HBP1: variants seen among roughly 807,000 people sequenced by gnomAD.
The protein encoded by HBP1 is HMG box-containing protein 1.
HBP1 carries 20 observed loss-of-function variants against 62.6 expected under a neutral mutation model. The observed-to-expected ratio is 0.32, with a 90% confidence interval of 0.22 to 0.46. HBP1 has a LOEUF of 0.46. Among genes scored for constraint, HBP1 ranks in the 20% least tolerant of loss-of-function variants. HBP1 has a pLI of 1.00. For synonymous variants in HBP1, 232 were observed against 206.2 expected, an observed-to-expected ratio of 1.12 and a Z score of -1.07; for missense variants, 480 against 611.8, an observed-to-expected ratio of 0.78 and a Z score of 2.27.
rs1411591672 is a variant in HBP1 at position 107,196,062 on chromosome 7, T to C, written c.1296T>C (p.Asn432=). 1 of 1,613,390 alleles carries C rather than the reference T, an allele frequency of 6.2e-7. No homozygotes were observed. The highest frequency in any genetic ancestry group is 8.5e-7 in the Non-Finnish European group (1 of 1,179,332). ...GGACTGTGAGTGCCACTTCTCCTAA[T>C]AAGTGCAAAAGACCAATGAATGCCT... The part of the protein sequence containing the change: ...SSGTVSATSP[N]KCKRPMNAFM... Residue 432 remains asparagine, a synonymous_variant, in exon 9 of 11, where the codon AAT becomes AAC. Coordinates refer to ENST00000222574, the MANE Select transcript of HBP1 (RefSeq NM_012257.4).
chr7:107,184,967 C>T (rs1326392574), intron 3 of HBP1, among the ~76,000 whole-genome samples: 1 of 152,202 alleles, frequency 6.6e-6, no homozygotes, highest in African/African-American at 2.4e-5. Context: ...TTCCTCTCTG[C>T]TTCCTTTCCA....
intron 9 of HBP1, among the ~76,000 whole-genome samples, chr7:107,197,938 T>C (rs917076470): frequency 6.6e-6 from 1 of 152,218 alleles, no homozygotes; most frequent in African/African-American, 2.4e-5. Context: ...TAGTGACAGG[T>C]ACATGCTGCA....
Position 107,200,141 on chromosome 7 carries a change from G to T in HBP1, c.1386-19G>T. On this transcript the variant is annotated intron_variant, in intron 9 of 10. Transcript: ENST00000222574. ...GAAAAATGTGTGCTTTCAGCATTGT[G>T]TAAATATTTATTTTACAGAGCCATA... 2 of 1,552,742 alleles carry T rather than the reference G, an allele frequency of 1.3e-6. No homozygotes were observed. The highest frequency in any genetic ancestry group is 1.7e-6 in the Non-Finnish European group (2 of 1,149,918).
chr7:107,189,552 A>G, intron 7 of HBP1, 104 bp downstream of exon 7: 1 of 801,516 alleles, frequency 1.2e-6, no homozygotes, highest in Non-Finnish European at 2.0e-6. Context: ...TGAGGGGAAA[A>G]CGTCTTTCAA....
chr7:107,186,287 C>A, intron 4 of HBP1, 74 bp from the exon 5 acceptor site: 1 of 877,492 alleles, frequency 1.1e-6, no homozygotes, highest in South Asian at 1.6e-5. Flanking sequence ...GGCCTAAAGA[C>A]GTGGGATGAA....
chr7:107,195,771 CT>C, intron 8 of HBP1, 62 bp from the exon 9 acceptor site: 1 of 736,200 alleles, frequency 1.4e-6, no homozygotes, highest in Non-Finnish European at 1.9e-6. Flanking sequence ...TTTTAACCTG[CT>C]TTTTAGAAAT....
chr7:107,186,315 A>T, intron 4 of HBP1, 46 bp from the exon 5 acceptor site: 2 of 1,125,664 alleles, frequency 1.8e-6, no homozygotes, highest in Non-Finnish European at 2.7e-6. Context: ...ATTAAAAGGT[A>T]TATTTTAAAA....
intron 8 of HBP1, among the ~76,000 whole-genome samples, chr7:107,194,737 G>C (rs1797809395): frequency 2.0e-5 from 3 of 152,146 alleles, no homozygotes; most frequent in Non-Finnish European, 4.4e-5. Context: ...AAGGAAGTAG[G>C]AGCTAGGTTC....
chr7:107,198,024 T>TGTAA (rs755579908), intron 9 of HBP1, among the ~76,000 whole-genome samples: 127 of 152,296 alleles, frequency 8.3e-4, no homozygotes, highest in South Asian at 1.7e-3. Context: ...TTCACGTCCC[T>TGTAA]GTAAGTCTCT....
chr7:107,195,977 G>A lies in HBP1; in HGVS notation c.1211G>A (p.Gly404Glu). ...TTCAGTAAAAACTGTGGCTCACCTG[G>A]ATCATCACAGCTCTCTTCCAATTCT... ...SGFSKNCGSP[G>E]SSQLSSNSLY... Residue 404 changes from glycine (G) to glutamate (E), a missense_variant, in exon 9 of 11, where the codon GGA becomes GAA. Coordinates refer to ENST00000222574, the MANE Select transcript of HBP1 (RefSeq NM_012257.4). 6.2e-7 allele frequency: 1 copy of A among 1,614,072 alleles called. No individual in the cohort carries two copies. The highest frequency in any genetic ancestry group is 8.5e-7 in the Non-Finnish European group (1 of 1,180,006).
Position 107,189,452 on chromosome 7 carries a change from G to T in HBP1, c.922+4G>T. 6.3e-7 allele frequency: 1 copy of T among 1,594,092 alleles called. No homozygotes were observed. Among genetic ancestry groups the T allele is most frequent in the Non-Finnish European group, 8.6e-7 (1 of 1,169,524 alleles). On this transcript the variant is annotated splice_donor_region_variant and intron_variant, in intron 7 of 10. Transcript: ENST00000222574. ...CCTTTCTATGTTAAAAATAAAGGTA[G>T]GGCTTGAATTGCATTTGTAGTAACT...
intron 6 of HBP1, among the ~76,000 whole-genome samples, chr7:107,189,048 T>C (rs1378742785): frequency 6.6e-6 from 1 of 152,192 alleles, no homozygotes; most frequent in Non-Finnish European, 1.5e-5. Context: ...TAATCTCTCT[T>C]TTGGTATTAA....
At position 107,178,014 on chromosome 7, in the gene HBP1, A is replaced by G. The variant is rs75266047; in HGVS notation, c.-15-1865A>G. ...ACATCATGACTTAGAAAGCTTATAA[A>G]TATTAAGTGATTAACATTTTTTCAG... On this transcript the variant is annotated intron_variant, in intron 1 of 10. Coordinates refer to ENST00000222574, the MANE Select transcript of HBP1 (RefSeq NM_012257.4). Among the ~76,000 whole-genome samples, 421 of 152,354 alleles carry G rather than the reference A, an allele frequency of 2.8e-3. 16 individuals are homozygous for G. In the East Asian group the frequency reaches 0.073, roughly 26 times the overall value.
chr7:107,190,430 TATAAA>T (rs1214987934), intron 8 of HBP1, 113 bp downstream of exon 8: 5 of 660,634 alleles, frequency 7.6e-6, no homozygotes, highest in Non-Finnish European at 1.3e-5. Flanking sequence ...ATTTGAGAAT[TATAAA>T]AGAATTATTA....
At chr7:107,188,661 T>A (rs1461937342) in intron 6 of HBP1, among the ~76,000 whole-genome samples, 1 of 152,260 alleles carries the variant, frequency 6.6e-6, no homozygotes, top group Non-Finnish European at 1.5e-5. Flanking sequence ...ATTGCACTTG[T>A]CAATTCAGGT....
At chr7:107,175,038 G>A (rs1796766925) in intron 1 of HBP1, among the ~76,000 whole-genome samples, 1 of 151,780 alleles carries the variant, frequency 6.6e-6, no homozygotes, top group Non-Finnish European at 1.5e-5. Flanking sequence ...GGAGACGGGT[G>A]GCTTTCATAG....
chr7:107,185,170 T>G (rs1165467401), intron 3 of HBP1, among the ~76,000 whole-genome samples: 5 of 149,498 alleles, frequency 3.3e-5, no homozygotes, highest in African/African-American at 1.2e-4. Context: ...AGGGATAAAG[T>G]TTTTTTTTTA....
rs776681148 is a variant in HBP1, at chr7:107,196,137, A to G, written c.1371A>G (p.Pro457=). Reference sequence around the variant, plus strand: ...GAGTTGAATATACTCAGATGTATCCAGGGAAAGATAACAGGTAAAAATAGT... The same window carrying G: ...GAGTTGAATATACTCAGATGTATCCGGGGAAAGATAACAGGTAAAAATAGT... ...KYRVEYTQMY[P]GKDNRAISVI... Residue 457 remains proline (P), a synonymous_variant, in exon 9 of 11, where the codon CCA becomes CCG. Coordinates refer to ENST00000222574, the MANE Select transcript of HBP1 (RefSeq NM_012257.4). 90 of 1,586,296 alleles carry G rather than the reference A, an allele frequency of 5.7e-5. 2 individuals are homozygous for G. The South Asian group carries it at 9.7e-4, about 17-fold the overall frequency.
intron 2 of HBP1, among the ~76,000 whole-genome samples, chr7:107,180,669 A>C (rs565167806): frequency 6.6e-5 from 10 of 152,214 alleles, no homozygotes; most frequent in Admixed American, 5.2e-4. Context: ...GTTTATAAAA[A>C]CCCTGGGGAG....
Sources: gnomAD v4.1 joint callset for allele counts (sites outside exome capture counted in the v4.1 genomes callset) on GRCh38, gnomAD v4.1.1 for gene constraint, MANE v1.5 for transcripts, NCBI Gene and HGNC (gene_info 2026-07-23, HGNC 2026-07-21) for gene names.